The following RCAN2 variants were observed in gnomAD, a reference collection of about 807,000 sequenced individuals.
The protein encoded by RCAN2 is regulator of calcineurin 2.
In RCAN2, 9 loss-of-function variants were observed where a neutral mutation model predicts 23.6. The ratio of observed to expected loss-of-function variants is 0.38; its 90% confidence interval spans 0.23 to 0.67. RCAN2 has a LOEUF of 0.67. Among genes scored for constraint, RCAN2 ranks in the 30% least tolerant of loss-of-function variants. RCAN2 has a pLI of 0.51. For synonymous variants in RCAN2, 109 were observed against 115.7 expected (o/e 0.94, Z 0.37); for missense variants, 273 against 302.3 (o/e 0.90, Z 0.72).
chr6:46,334,365 C>T (rs537935620), intron 2 of RCAN2, among the ~76,000 whole-genome samples: 174 of 152,268 alleles, frequency 1.1e-3, no homozygotes, highest in African/African-American at 4.0e-3. Context: ...GCAGTGAGAG[C>T]TCAGTGAGTG....
chr6:46,457,835 C>T (rs1044402473), intron 1 of RCAN2, among the ~76,000 whole-genome samples: 12 of 152,198 alleles, frequency 7.9e-5, no homozygotes, highest in African/African-American at 2.7e-4. Flanking sequence ...TTTCACCTAG[C>T]TGTGTTCAAC....
rs748999642 is a variant in RCAN2 at position 46,248,737 on chromosome 6, G to C, written c.385C>G (p.Leu129Val). Residue 129 changes from leucine to valine, a missense_variant, in exon 3 of 5, where the codon CTC becomes GTC. Transcript: ENST00000371374. ...AATTACCTTACCTGTGCAAAGTAGAGCTTTAATTTTTTCCCTCTGAATTGG... is the reference window on the plus strand; with the variant it reads ...AATTACCTTACCTGTGCAAAGTAGACCTTTAATTTTTTCCCTCTGAATTGG... The part of the protein sequence containing the change: ...ETQFRGKKLK[L>V]YFAQVQTPET... The C allele has an allele frequency of 1.2e-6, 2 of 1,609,726 alleles. No individual in the cohort carries two copies. Among genetic ancestry groups the C allele is most frequent in the Non-Finnish European group, 1.7e-6 (2 of 1,178,592 alleles).
chr6:46,391,098 T>C (rs1440003351), intron 2 of RCAN2, among the ~76,000 whole-genome samples: 2 of 152,216 alleles, frequency 1.3e-5, no homozygotes, highest in Admixed American at 1.3e-4. Context: ...CTCCACTTTC[T>C]TTAACTCTTG....
intron 4 of RCAN2, among the ~76,000 whole-genome samples, chr6:46,231,904 C>T (rs75789420): frequency 0.039 from 5,992 of 152,214 alleles, 408 homozygotes; most frequent in African/African-American, 0.14. Flanking sequence ...ACAACTCCAG[C>T]ATTTCCCTGG....
chr6:46,364,643 T>C (rs1311092280), intron 2 of RCAN2, among the ~76,000 whole-genome samples: 1 of 152,170 alleles, frequency 6.6e-6, no homozygotes, highest in Non-Finnish European at 1.5e-5. Flanking sequence ...ACATCATGCA[T>C]GCTATGTGCT....
intron 2 of RCAN2, among the ~76,000 whole-genome samples, chr6:46,389,924 G>A (rs1215070218): frequency 6.6e-6 from 1 of 151,366 alleles, no homozygotes; most frequent in East Asian, 2.0e-4. Context: ...GTAAGAAGAA[G>A]TAATTTTGCC....
chr6:46,280,098 T>A (rs1303259066), intron 2 of RCAN2, among the ~76,000 whole-genome samples: 1 of 152,148 alleles, frequency 6.6e-6, no homozygotes, highest in Non-Finnish European at 1.5e-5. Flanking sequence ...AGTAAAATGC[T>A]GCCTACCCCA....
At chr6:46,465,856 T>A (rs1006037152) in intron 1 of RCAN2, among the ~76,000 whole-genome samples, 2 of 152,232 alleles carry the variant, frequency 1.3e-5, no homozygotes, top group African/African-American at 4.8e-5. Context: ...TGGGTAGTAG[T>A]CTAGAAATTT....
At chr6:46,299,191 T>C (rs1391690094) in intron 2 of RCAN2, among the ~76,000 whole-genome samples, 1 of 151,924 alleles carries the variant, frequency 6.6e-6, no homozygotes, top group Non-Finnish European at 1.5e-5. Flanking sequence ...TTTACTTACG[T>C]AACAAACCTG....
At position 46,471,898 on chromosome 6, in the gene RCAN2, C is replaced by T. The variant is rs116612447; in HGVS notation, c.-2-14920G>A. On this transcript the variant is annotated intron_variant, in intron 1 of 4. Transcript: ENST00000371374. ...CAACAACCAGGTGCGTGCGCACACACACACACACTCACACAGTCCCCCTTA... is the reference window on the plus strand; with the variant it reads ...CAACAACCAGGTGCGTGCGCACACATACACACACTCACACAGTCCCCCTTA... Among the ~76,000 whole-genome samples the T allele has an allele frequency of 9.7e-3, 1,483 of 152,222 alleles. 21 individuals carry two copies. Among genetic ancestry groups the T allele is most frequent in the African/African-American group, 0.034 (1,393 of 41,562 alleles).
intron 2 of RCAN2, among the ~76,000 whole-genome samples, chr6:46,392,653 G>A (rs1343411591): frequency 2.6e-5 from 4 of 152,218 alleles, no homozygotes; most frequent in South Asian, 4.2e-4. Flanking sequence ...AACCTAGTGG[G>A]ATATACTTAT....
chr6:46,462,227 A>G (rs1156540163), intron 1 of RCAN2, among the ~76,000 whole-genome samples: 1 of 152,214 alleles, frequency 6.6e-6, no homozygotes, highest in Non-Finnish European at 1.5e-5. Flanking sequence ...TATTAGGAGG[A>G]AAAGATATTT....
rs1466401436 is a variant in RCAN2, at chr6:46,394,513, C to G, written c.225+62239G>C. Among the ~76,000 whole-genome samples the G allele has an allele frequency of 3.3e-5, 5 of 152,138 alleles. No individual in the cohort carries two copies. In the East Asian group the frequency reaches 9.7e-4, roughly 29 times the overall value. ...TAAAGAATTGGTCCAAAAGGCAGGC[C>G]CAGTCTTAACTTATAAGTAGAAATT... On this transcript the variant is annotated intron_variant, in intron 2 of 4. Transcript: ENST00000371374.
At chr6:46,390,641 C>T (rs1409955980) in intron 2 of RCAN2, among the ~76,000 whole-genome samples, 2 of 152,106 alleles carry the variant, frequency 1.3e-5, no homozygotes, top group Non-Finnish European at 2.9e-5. Context: ...TTACAAAAGT[C>T]CAGTTGAGTC....
At chr6:46,238,545 G>T (rs1008720548) in intron 4 of RCAN2, among the ~76,000 whole-genome samples, 7 of 152,056 alleles carry the variant, frequency 4.6e-5, no homozygotes, top group African/African-American at 1.7e-4. Flanking sequence ...CTTAACACAG[G>T]CATTTAAATT....
At chr6:46,246,060 T>C (rs981332009) in intron 4 of RCAN2, among the ~76,000 whole-genome samples, 1 of 152,188 alleles carries the variant, frequency 6.6e-6, no homozygotes, top group Non-Finnish European at 1.5e-5. Context: ...CATAGAGATG[T>C]ACAAGAATGT....
intron 2 of RCAN2, among the ~76,000 whole-genome samples, chr6:46,321,100 TTTC>T (rs1763600428): frequency 6.6e-6 from 1 of 152,300 alleles, no homozygotes; most frequent in South Asian, 2.1e-4. Context: ...GCTCTCTAAA[TTTC>T]TTTAGATCTC....
chr6:46,381,155 C>G (rs919987599), intron 2 of RCAN2, among the ~76,000 whole-genome samples: 1 of 152,138 alleles, frequency 6.6e-6, no homozygotes, highest in African/African-American at 2.4e-5. Flanking sequence ...CATATTCCCT[C>G]CCCCATCTCA....
At chr6:46,428,189 G>A (rs2150415514) in intron 2 of RCAN2, among the ~76,000 whole-genome samples, 1 of 152,270 alleles carries the variant, frequency 6.6e-6, no homozygotes, top group East Asian at 1.9e-4. Context: ...TGTTTTTCCA[G>A]GCTCTTTTGC....
Sources: gnomAD v4.1 joint callset for allele counts (sites outside exome capture counted in the v4.1 genomes callset) on GRCh38, gnomAD v4.1.1 for gene constraint, MANE v1.5 for transcripts, NCBI Gene and HGNC (gene_info 2026-07-23, HGNC 2026-07-21) for gene names.